The following SLC35F4 variants were observed in gnomAD, a reference collection of about 807,000 sequenced individuals.
SLC35F4 encodes the protein chromosome 14 open reading frame 36.
A neutral mutation model predicts 44.2 loss-of-function variants in SLC35F4; 24 were observed. That is an observed-to-expected ratio of 0.54 (90% CI 0.39 to 0.76). The LOEUF (loss-of-function observed/expected upper bound fraction) is 0.76. Among genes scored for constraint, SLC35F4 ranks in the 30% least tolerant of loss-of-function variants. The pLI is 0.00. For missense variants in SLC35F4, 562 were observed against 586.1 expected, an observed-to-expected ratio of 0.96 and a Z score of 0.42; for synonymous variants, 238 against 223.6, an observed-to-expected ratio of 1.06 and a Z score of -0.57.
chr14:57,665,096 A>C (rs2074262988), intron 1 of SLC35F4, among the ~76,000 whole-genome samples: 1 of 150,254 alleles, frequency 6.7e-6, no homozygotes, highest in Non-Finnish European at 1.5e-5. Flanking sequence ...TTTGTCATCC[A>C]CTCCTCATAT....
intron 1 of SLC35F4, among the ~76,000 whole-genome samples, chr14:57,602,166 TA>T (rs35032895): frequency 0.31 from 45,673 of 145,180 alleles, 7,521 homozygotes; most frequent in East Asian, 0.65. Context: ...GCCTGGATGG[TA>T]AAAAAAAAAA....
chr14:57,747,049 A>G (rs4423330), intron 1 of SLC35F4, among the ~76,000 whole-genome samples: 9,788 of 152,228 alleles, frequency 0.064, 748 homozygotes, highest in African/African-American at 0.18. Context: ...TTAAAAATAT[A>G]CAGTATCCAT....
intron 1 of SLC35F4, among the ~76,000 whole-genome samples, chr14:57,689,624 G>C (rs1364613955): frequency 1.3e-5 from 2 of 151,346 alleles, no homozygotes; most frequent in African/African-American, 4.9e-5. Flanking sequence ...TTGCTTTAAA[G>C]ACTATCACAG....
chr14:57,834,849 C>A (rs144327479), intron 1 of SLC35F4, among the ~76,000 whole-genome samples: 1 of 152,100 alleles, frequency 6.6e-6, no homozygotes, highest in Non-Finnish European at 1.5e-5. Context: ...GCCAGCATGG[C>A]GAAACCCCAT....
At chr14:57,691,151 A>C (rs1468555710) in intron 1 of SLC35F4, among the ~76,000 whole-genome samples, 1 of 152,202 alleles carries the variant, frequency 6.6e-6, no homozygotes, top group Non-Finnish European at 1.5e-5. Context: ...ATGTTGGATA[A>C]AGAAAAAAAG....
intron 1 of SLC35F4, among the ~76,000 whole-genome samples, chr14:57,672,180 C>T (rs1464062882): frequency 2.6e-5 from 4 of 152,020 alleles, no homozygotes; most frequent in African/African-American, 7.3e-5. Context: ...CTCGCAGAGG[C>T]CACACACTTC....
intron 1 of SLC35F4, among the ~76,000 whole-genome samples, chr14:57,797,617 C>T (rs369692814): frequency 4.6e-5 from 7 of 152,144 alleles, no homozygotes; most frequent in African/African-American, 1.7e-4. Context: ...GCACCTAAAA[C>T]GTATATAAAT....
intron 1 of SLC35F4, among the ~76,000 whole-genome samples, chr14:57,817,967 G>A (rs1379363769): frequency 1.3e-5 from 2 of 152,130 alleles, no homozygotes; most frequent in Non-Finnish European, 2.9e-5. Flanking sequence ...GGAATGCACA[G>A]GTGAGAGGCA....
chr14:57,707,147 T>C (rs1227166051), intron 1 of SLC35F4, among the ~76,000 whole-genome samples: 1 of 152,190 alleles, frequency 6.6e-6, no homozygotes, highest in Non-Finnish European at 1.5e-5. Flanking sequence ...AGGTGTAGTT[T>C]TGATAACTCC....
At chr14:57,977,446 G>A (rs553947181) in intron 1 of SLC35F4, among the ~76,000 whole-genome samples, 2 of 152,054 alleles carry the variant, frequency 1.3e-5, no homozygotes, top group Admixed American at 6.6e-5. Context: ...ACAAAGAAAC[G>A]TTTGTCTTTT....
chr14:57,767,449 T>TAC (rs1798459154), intron 1 of SLC35F4, among the ~76,000 whole-genome samples: 1 of 152,232 alleles, frequency 6.6e-6, no homozygotes, highest in South Asian at 2.1e-4. Flanking sequence ...TACTTTTACA[T>TAC]TATGGATCAG....
chr14:57,695,836 C>T (rs1594816427), intron 1 of SLC35F4, among the ~76,000 whole-genome samples: 1 of 152,222 alleles, frequency 6.6e-6, no homozygotes, highest in Middle Eastern at 3.4e-3. Context: ...AAATACTATG[C>T]AGCCATAAAA....
chr14:57,852,071 C>G (rs906964358), intron 1 of SLC35F4, among the ~76,000 whole-genome samples: 2 of 152,178 alleles, frequency 1.3e-5, no homozygotes, highest in East Asian at 3.8e-4. Context: ...TCCATCCCTA[C>G]CTACTCTTAG....
intron 2 of SLC35F4, among the ~76,000 whole-genome samples, chr14:57,589,903 G>A (rs2070048327): frequency 1.3e-5 from 2 of 152,156 alleles, no homozygotes; most frequent in Non-Finnish European, 2.9e-5. Flanking sequence ...GAAGCCTTAG[G>A]AGGCATCCCA....
chr14:57,773,020 GT>G (rs202043122), intron 1 of SLC35F4, among the ~76,000 whole-genome samples: 1,834 of 151,824 alleles, frequency 0.012, 32 homozygotes, highest in African/African-American at 0.042. Flanking sequence ...AACATCTGTT[GT>G]TTTTTTTGAC....
intron 1 of SLC35F4, among the ~76,000 whole-genome samples, chr14:57,794,489 A>G (rs1252486935): frequency 2.0e-5 from 3 of 152,178 alleles, no homozygotes; most frequent in Non-Finnish European, 1.5e-5. Flanking sequence ...TAGAATCACA[A>G]TGAGATACCA....
chr14:57,947,835 A>G (rs1009820839), intron 1 of SLC35F4, among the ~76,000 whole-genome samples: 4 of 151,970 alleles, frequency 2.6e-5, no homozygotes, highest in South Asian at 2.1e-4. Context: ...ACATTTATTG[A>G]CTTTCATATG....
intron 1 of SLC35F4, among the ~76,000 whole-genome samples, chr14:57,641,262 G>A (rs201865187): frequency 2.0e-5 from 3 of 151,924 alleles, no homozygotes; most frequent in African/African-American, 7.2e-5. Context: ...TTTTAAATGA[G>A]CCTATGACAA....
chr14:57,859,332 G>A lies in SLC35F4; in HGVS notation c.103+6391C>T, dbSNP rs117982491. ...TCAGTACAAAATTAAAGCCACTTGC[G>A]TGTGTCCATGGGCATAAAAAAGACT... On this transcript the variant is annotated intron_variant, in intron 1 of 7. Transcript: ENST00000556826. Among the ~76,000 whole-genome samples, 812 of 152,230 alleles carry A rather than the reference G, an allele frequency of 5.3e-3. 5 individuals are homozygous for A. The highest frequency in any genetic ancestry group is 0.017 in the Middle Eastern group (5 of 294).
Sources: gnomAD v4.1 joint callset for allele counts (sites outside exome capture counted in the v4.1 genomes callset) on GRCh38, gnomAD v4.1.1 for gene constraint, MANE v1.5 for transcripts, NCBI Gene and HGNC (gene_info 2026-07-23, HGNC 2026-07-21) for gene names.